Variants in ZNF7 observed in about 807,000 individuals in gnomAD.
The protein encoded by ZNF7 is zinc finger protein 7.
ZNF7 carries 10 observed loss-of-function variants against 12.0 expected under a neutral mutation model. That is an observed-to-expected ratio of 0.83 (90% confidence interval 0.51 to 1.42). The LOEUF is 1.42. Ranked by LOEUF, ZNF7 falls within the 40% of genes most tolerant of loss-of-function variation. The pLI is 0.00. For synonymous variants in ZNF7, 334 were observed against 295.0 expected, an observed-to-expected ratio of 1.13 and a Z score of -1.35; for missense variants, 854 against 837.2, an observed-to-expected ratio of 1.02 and a Z score of -0.25.
chr8:144,837,255 C>T lies in ZNF7; in HGVS notation c.131-136C>T, dbSNP rs574784071. The T allele has an allele frequency of 2.5e-5, 16 of 641,700 alleles. No homozygotes were observed. The African/African-American group carries it at 2.7e-4, about 11-fold the overall frequency. The allele number at this position is 641,700 out of a possible 1,614,324, so 39.8% of individuals were successfully genotyped here. A position where few individuals can be genotyped will look rare whatever the true frequency, so the allele number is the denominator to read the frequency against. ...CCCCAGATTCTCCCCACCCTCCACCCACTCTCCCTGCAGGAGCTTGGCCTG... is the reference window on the plus strand; with the variant it reads ...CCCCAGATTCTCCCCACCCTCCACCTACTCTCCCTGCAGGAGCTTGGCCTG... On this transcript the variant is annotated intron_variant, in intron 3 of 4. Transcript: ENST00000532777.
At chr8:144,832,487 G>GAA (rs1389705765) in intron 3 of ZNF7, among the ~76,000 whole-genome samples, 1 of 151,434 alleles carries the variant, frequency 6.6e-6, no homozygotes, top group Admixed American at 6.6e-5. Context: ...CCAGCACTTT[G>GAA]GGAGGCCGAG....
At position 144,842,273 on chromosome 8, in the gene ZNF7, C is replaced by T. The variant is rs150826392; in HGVS notation, c.1166C>T (p.Ala389Val). 5 of 1,613,950 alleles carry T rather than the reference C, an allele frequency of 3.1e-6. No homozygotes were observed. Among genetic ancestry groups the T allele is most frequent in the Non-Finnish European group, 4.2e-6 (5 of 1,180,048 alleles). ...QHQRMHTGEK[A>V]QILKASDSPS... The stretch of plus-strand genomic sequence containing the variant: ...CAAAGGATGCATACTGGGGAGAAAG[C>T]TCAAATTCTAAAAGCCTCAGACAGT... Residue 389 changes from alanine to valine, a missense_variant, in exon 5 of 5, where the codon GCT becomes GTT. Coordinates refer to ENST00000532777, the MANE Select transcript of ZNF7 (RefSeq NM_003416.4).
chr8:144,835,267 G>A (rs1428351184), intron 3 of ZNF7: 6 of 151,168 alleles, frequency 4.0e-5, no homozygotes, highest in Non-Finnish European at 4.4e-5. Context: ...ACAGTGGTGC[G>A]ATTATAGCTC....
chr8:144,830,397 T>G (rs1426717698), intron 3 of ZNF7, among the ~76,000 whole-genome samples: 1 of 152,226 alleles, frequency 6.6e-6, no homozygotes, highest in African/African-American at 2.4e-5. Flanking sequence ...TTTCTCTGAT[T>G]TCTGCTGAGC....
chr8:144,843,477 G>A lies in ZNF7; in HGVS notation c.*309G>A, dbSNP rs2953887. On this transcript the variant is annotated 3_prime_UTR_variant, in exon 5 of 5. Transcript: ENST00000532777. The stretch of plus-strand genomic sequence containing the variant: ...GTGGCAGGCACCTGTGGTCCCAGCT[G>A]CTCGGGAGGCTGAGGCAGGAGAATG... 0.24 allele frequency: 46,285 copies of A among 194,380 alleles called. 7,977 individuals carry two copies. The highest frequency in any genetic ancestry group is 0.53 in the African/African-American group (22,382 of 42,408). 12.0% of individuals were successfully genotyped at this position (194,380 alleles called of 1,614,324 possible). A position where few individuals can be genotyped will look rare whatever the true frequency, so the allele number is the denominator to read the frequency against.
chr8:144,839,262 A>G (rs1829533399), intron 4 of ZNF7, among the ~76,000 whole-genome samples: 1 of 152,162 alleles, frequency 6.6e-6, no homozygotes, highest in Admixed American at 6.5e-5. Context: ...TTCAAAGGAC[A>G]AGGAGGGTTT....
At chr8:144,835,481 G>T (rs1735163) in intron 3 of ZNF7, 65,749 of 151,942 alleles carry the variant, frequency 0.43, 14,577 homozygotes, top group East Asian at 0.58. Context: ...ATTATAGGCA[G>T]GAGACACCTT....
chr8:144,828,759 C>T (rs1000357134), intron 1 of ZNF7: 4 of 462,032 alleles, frequency 8.7e-6, no homozygotes, highest in African/African-American at 3.9e-5. Flanking sequence ...TCCTCGTGTC[C>T]ACTACTGTAT....
intron 3 of ZNF7, among the ~76,000 whole-genome samples, chr8:144,833,391 T>TA (rs1434495436): frequency 7.2e-5 from 11 of 151,766 alleles, no homozygotes; most frequent in Admixed American, 2.0e-4. Context: ...TTTTTTGAAA[T>TA]AAAGTCTCAC....
rs372104925 is a variant in ZNF7 at position 144,842,694 on chromosome 8, A to G, written c.1587A>G (p.Gln529=). ...GAGAGAAGCCCTACGAATGCCTCCA[A>G]TGCGGAAAAGCCTTCAGTATGAGCA... ...HKGEKPYECL[Q]CGKAFSMSTQ... is the part of the protein sequence containing the mutation. Residue 529 remains glutamine (Q), a synonymous_variant, in exon 5 of 5, where the codon CAA becomes CAG. Coordinates refer to ENST00000532777, the MANE Select transcript of ZNF7 (RefSeq NM_003416.4). 15 of 1,614,120 alleles carry G rather than the reference A, an allele frequency of 9.3e-6. No homozygotes were observed. In the African/African-American group the frequency reaches 1.7e-4, roughly 19 times the overall value.
At chr8:144,845,252 A>G (rs1830448117), downstream of ZNF7, among the ~76,000 whole-genome samples, 1 of 152,104 alleles carries the variant, frequency 6.6e-6, no homozygotes, top group Non-Finnish European at 1.5e-5. Context: ...TGTGGTTGTC[A>G]GGGCCCTATC....
At chr8:144,829,280 G>C in intron 2 of ZNF7, 190 bp downstream of exon 2, 1 of 1,532,332 alleles carries the variant, frequency 6.5e-7, no homozygotes, top group Non-Finnish European at 8.8e-7. Context: ...CTTGAGGGGG[G>C]AGGGTTGTAT....
intron 3 of ZNF7, chr8:144,835,874 A>G (rs1828925747): frequency 6.6e-6 from 1 of 151,964 alleles, no homozygotes; most frequent in Non-Finnish European, 1.5e-5. Context: ...CGATCCTCCC[A>G]CCGTGTTGGC....
At chr8:144,831,065 T>A in intron 3 of ZNF7, 1 of 456,118 alleles carries the variant, frequency 2.2e-6, no homozygotes, top group Non-Finnish European at 4.4e-6. Flanking sequence ...TCCAGTGAGC[T>A]TGGTGCTTGA....
intron 3 of ZNF7, among the ~76,000 whole-genome samples, chr8:144,831,240 A>T (rs1193813040): frequency 1.3e-5 from 2 of 152,052 alleles, no homozygotes; most frequent in Non-Finnish European, 2.9e-5. Flanking sequence ...TTCTTTTTCC[A>T]TGGCTTCTGT....
At chr8:144,846,029 C>T, downstream of ZNF7, 2 of 1,536,642 alleles carry the variant, frequency 1.3e-6, no homozygotes, top group South Asian at 1.2e-5. Context: ...CCCACATGCA[C>T]CGCCTGCAAC....
chr8:144,845,009 G>A (rs930230865), downstream of ZNF7, among the ~76,000 whole-genome samples: 1 of 152,192 alleles, frequency 6.6e-6, no homozygotes, highest in East Asian at 1.9e-4. Context: ...AGGGTGAAAG[G>A]ACAGATGGGA....
At chr8:144,834,558 TTTTC>T (rs1188160865) in intron 3 of ZNF7, 7 of 151,944 alleles carry the variant, frequency 4.6e-5, no homozygotes, top group African/African-American at 1.7e-4. Context: ...ACGTGATTTA[TTTTC>T]TTTATTAATG....
rs768311169 is a variant in ZNF7, at chr8:144,841,853, C to G, written c.746C>G (p.Pro249Arg). 6.2e-7 allele frequency: 1 copy of G among 1,614,128 alleles called. No homozygotes were observed. Among genetic ancestry groups the G allele is most frequent in the Non-Finnish European group, 8.5e-7 (1 of 1,180,030 alleles). The change falls in exon 5 of 5, where the codon CCG becomes CGG. Residue 249 changes from proline (P) to arginine (R), a missense_variant. Transcript: ENST00000532777. ...KHTNNCHGEK[P>R]YECAECGKVF... ...ACAAATAACTGCCATGGAGAGAAGCCGTACGAATGTGCAGAGTGTGGGAAA... is the reference window on the plus strand; with the variant it reads ...ACAAATAACTGCCATGGAGAGAAGCGGTACGAATGTGCAGAGTGTGGGAAA...
Sources: gnomAD v4.1 joint callset for allele counts (sites outside exome capture counted in the v4.1 genomes callset) on GRCh38, gnomAD v4.1.1 for gene constraint, MANE v1.5 for transcripts, NCBI Gene and HGNC (gene_info 2026-07-23, HGNC 2026-07-21) for gene names.